The following USP14 variants were observed in gnomAD, a reference collection of about 807,000 sequenced individuals.
USP14 encodes ubiquitin specific peptidase 14, also known as ubiquitin carboxyl-terminal hydrolase 14.
In USP14, 38 loss-of-function variants were observed where a neutral mutation model predicts 76.5. That is an observed-to-expected ratio of 0.50 (90% CI 0.38 to 0.65). USP14 has a LOEUF of 0.65. USP14 is among the 30% of genes least tolerant of loss of function. The pLI is 0.00. For synonymous variants in USP14, 192 were observed against 191.7 expected (o/e 1.00, Z -0.01); for missense variants, 467 against 586.5 (o/e 0.80, Z 2.10).
intron 1 of USP14, among the ~76,000 whole-genome samples, chr18:160,278 T>G (rs763290145): frequency 1.3e-5 from 2 of 152,116 alleles, no homozygotes; most frequent in African/African-American, 4.8e-5. Context: ...CACTTCAGTC[T>G]GGGTGAAAAA....
At position 214,057 on chromosome 18, in the gene USP14, C is replaced by T. The variant is rs989013369; in HGVS notation, c.*2773C>T. 5 of 152,482 alleles carry T rather than the reference C, an allele frequency of 3.3e-5. No homozygotes were observed. Among genetic ancestry groups the T allele is most frequent in the Admixed American group, 3.3e-4 (5 of 15,276 alleles). The allele number at this position is 152,482 out of a possible 1,614,324, so 9.4% of individuals were successfully genotyped here. ...TTCAGGCTTTGCAGGCTATAAAGTG[C>T]TGCAGCTCCTTAGCTTTGCTGTTGT... On this transcript the variant is annotated 3_prime_UTR_variant, in exon 16 of 16. Transcript: ENST00000261601.
chr18:193,065 G>A (rs1047814211), intron 6 of USP14, among the ~76,000 whole-genome samples, 165 bp downstream of exon 6: 1 of 152,134 alleles, frequency 6.6e-6, no homozygotes, highest in African/African-American at 2.4e-5. Flanking sequence ...TTATCGTCCA[G>A]ATTATAAATC....
intron 11 of USP14, 23 bp downstream of exon 11, chr18:202,968 A>G (rs1391844828): frequency 6.2e-7 from 1 of 1,612,804 alleles, no homozygotes; most frequent in South Asian, 1.1e-5. Context: ...GTCCTTTCGA[A>G]GCCAAATTCC....
rs1469224311 is a variant in USP14, at chr18:207,347, CA to C, written c.1165-2618del. Among the ~76,000 whole-genome samples the C allele has an allele frequency of 2.8e-5, 4 of 144,728 alleles. 1 individual carries two copies. Among genetic ancestry groups the C allele is most frequent in the African/African-American group, 5.0e-5 (2 of 40,344 alleles). 94.9% of individuals were successfully genotyped at this position (144,728 alleles called of 152,430 possible). The stretch of plus-strand genomic sequence containing the variant: ...TTTAGGATCAGCTTGTCCATTTCTT[CA>C]AAAAAGATTGACGGGGATTACACGG... On this transcript the variant is annotated intron_variant, in intron 13 of 15. Transcript: ENST00000261601.
In USP14 at chr18:163,447, G is replaced by C. The variant is rs756067354; in HGVS notation, c.156G>C (p.Thr52=). The C allele has an allele frequency of 3.1e-6, 5 of 1,611,484 alleles. No homozygotes were observed. In the Admixed American group the frequency reaches 5.0e-5, roughly 16 times the overall value. ...AGAAAGTTATGGTGAAAGGAGGAACGCTAAAGGTAAAATGTAGTCCAAATT... is the reference window on the plus strand; with the variant it reads ...AGAAAGTTATGGTGAAAGGAGGAACCCTAAAGGTAAAATGTAGTCCAAATT... ...ARQKVMVKGG[T]LKDDDWGNIK... The change falls in exon 2 of 16, where the codon ACG becomes ACC. Residue 52 remains threonine (T), a synonymous_variant. Transcript: ENST00000261601.
chr18:166,490 G>T (rs1025940578), intron 2 of USP14, among the ~76,000 whole-genome samples: 3 of 152,014 alleles, frequency 2.0e-5, no homozygotes, highest in African/African-American at 7.2e-5. Flanking sequence ...GCACCACCAT[G>T]CTCAGCTACT....
At chr18:178,872 G>A (rs1169138067) in intron 3 of USP14, 61 bp from the exon 4 acceptor site, 1 of 1,296,850 alleles carries the variant, frequency 7.7e-7, no homozygotes, top group Non-Finnish European at 1.1e-6. Context: ...GCTTCTTTTG[G>A]TTTGACATAA....
intron 6 of USP14, among the ~76,000 whole-genome samples, chr18:195,489 A>G (rs1009320420): frequency 6.6e-6 from 1 of 152,214 alleles, no homozygotes; most frequent in African/African-American, 2.4e-5. Context: ...TTTGCTGTAC[A>G]TGAAGGAGGG....
intron 3 of USP14, among the ~76,000 whole-genome samples, chr18:173,597 G>T (rs1053452022): frequency 2.0e-5 from 3 of 151,256 alleles, no homozygotes; most frequent in Non-Finnish European, 4.4e-5. Context: ...ATTTTTTTTA[G>T]TATGTTGTTG....
chr18:184,563 C>T (rs1254155218), intron 5 of USP14, among the ~76,000 whole-genome samples: 3 of 151,988 alleles, frequency 2.0e-5, no homozygotes, highest in East Asian at 1.9e-4. Context: ...AGACTAGCCT[C>T]GGCAACGTGG....
chr18:163,354 T>C lies in USP14; in HGVS notation c.63T>C (p.Asn21=). The part of the protein sequence containing the change: ...GKEKFEGVEL[N]TDEPPMVFKA... ...AGAAATTTGAAGGTGTAGAATTGAA[T>C]ACAGATGAACCTCCAATGGTATTCA... The change falls in exon 2 of 16, where the codon AAT becomes AAC. Residue 21 remains asparagine, a synonymous_variant. Coordinates refer to ENST00000261601, the MANE Select transcript of USP14 (RefSeq NM_005151.4). 1.2e-6 allele frequency: 2 copies of C among 1,613,984 alleles called. No individual in the cohort carries two copies.
intron 5 of USP14, among the ~76,000 whole-genome samples, chr18:185,693 T>A (rs1031635118): frequency 7.2e-5 from 11 of 151,972 alleles, no homozygotes; most frequent in Admixed American, 1.3e-4. Context: ...TTTAAAAAAA[T>A]TTTAAATTAT....
At chr18:192,740 GC>G in intron 5 of USP14, 101 bp from the exon 6 acceptor site, 1 of 999,624 alleles carries the variant, frequency 1.0e-6, no homozygotes, top group Non-Finnish European at 1.5e-6. Flanking sequence ...TGAGAAACTT[GC>G]AGTTGAGGGT....
chr18:205,594 T>G (rs1290960045), intron 13 of USP14, among the ~76,000 whole-genome samples: 1 of 152,110 alleles, frequency 6.6e-6, no homozygotes, highest in Non-Finnish European at 1.5e-5. Context: ...GGCAACGTAG[T>G]GAAACCCTGT....
chr18:168,914 A>T (rs951615250), intron 3 of USP14, among the ~76,000 whole-genome samples: 3 of 151,496 alleles, frequency 2.0e-5, no homozygotes, highest in Non-Finnish European at 4.4e-5. Flanking sequence ...TACTAAAAAA[A>T]AAATACAAAA....
intron 3 of USP14, among the ~76,000 whole-genome samples, chr18:170,937 G>A (rs1909424722): frequency 1.3e-5 from 2 of 148,446 alleles, no homozygotes; most frequent in Non-Finnish European, 1.5e-5. Flanking sequence ...GTCTATAGGT[G>A]CAGCAAACCA....
intron 1 of USP14, chr18:158,917 C>T (rs4570949): frequency 0.26 from 198,231 of 752,890 alleles, 26,433 homozygotes; most frequent in Admixed American, 0.33. Flanking sequence ...GCGCCGTCCC[C>T]CTGAGCCACC....
intron 1 of USP14, among the ~76,000 whole-genome samples, chr18:161,580 C>G (rs896156622): frequency 8.5e-5 from 13 of 152,152 alleles, no homozygotes; most frequent in Admixed American, 7.2e-4. Flanking sequence ...CCCACCCCCC[C>G]ATTAGGCTGT....
chr18:199,975 A>G (rs1214685098), intron 10 of USP14, among the ~76,000 whole-genome samples: 1 of 152,216 alleles, frequency 6.6e-6, no homozygotes, highest in African/African-American at 2.4e-5. Context: ...AACTTCAACT[A>G]GCTCTTCATT....
Sources: allele counts gnomAD v4.1 joint callset (sites outside exome capture counted in the v4.1 genomes callset), GRCh38; gene constraint gnomAD v4.1.1; transcripts MANE v1.5; gene names NCBI Gene and HGNC (gene_info 2026-07-23, HGNC 2026-07-21).